The following RUSC2 variants were observed in gnomAD, a reference collection of about 807,000 sequenced individuals.
The protein encoded by RUSC2 is AP-4 complex accessory subunit RUSC2.
Under a neutral mutation model 122.2 loss-of-function variants are expected in RUSC2, and 34 were observed. The ratio of observed to expected loss-of-function variants is 0.28; its 90% CI spans 0.21 to 0.37. RUSC2 has a LOEUF of 0.37. Among genes scored for constraint, RUSC2 ranks in the 10% least tolerant of loss-of-function variants. The probability of loss-of-function intolerance (pLI) is 1.00; values close to 1 mark genes in which losing one functional copy is unlikely to be tolerated. For missense variants in RUSC2, 1,747 were observed against 1,952.4 expected (o/e 0.89, Z 1.98); for synonymous variants, 784 against 790.0 (o/e 0.99, Z 0.13).
Position 35,511,008 on chromosome 9 carries a change from A to G in RUSC2, c.-93+20836A>G, listed in dbSNP as rs1030567025. On this transcript the variant is annotated intron_variant, in intron 1 of 11. Coordinates refer to ENST00000361226, the MANE Select transcript of RUSC2 (RefSeq NM_014806.5). ...ACATCTACCCAGAGATAGCTCCAGT[A>G]TAGGTTGGCCAAGCAGGAAATTCCA... Among the ~76,000 whole-genome samples the G allele has an allele frequency of 3.9e-5, 6 of 152,326 alleles. No homozygotes were observed. The South Asian group carries it at 1.0e-3, about 26-fold the overall frequency.
intron 2 of RUSC2, among the ~76,000 whole-genome samples, chr9:35,553,802 T>C (rs535671879): frequency 3.3e-5 from 5 of 152,242 alleles, no homozygotes; most frequent in African/African-American, 7.2e-5. Context: ...CTGGGAGTGA[T>C]TCAGAAGCAC....
chr9:35,512,732 C>A (rs1416387943), intron 1 of RUSC2, among the ~76,000 whole-genome samples: 1 of 152,002 alleles, frequency 6.6e-6, no homozygotes, highest in Non-Finnish European at 1.5e-5. Flanking sequence ...GTTTTTCCTT[C>A]CTCCTCCCGT....
intron 1 of RUSC2, among the ~76,000 whole-genome samples, chr9:35,534,243 G>A (rs1431563669): frequency 6.6e-6 from 1 of 151,994 alleles, no homozygotes; most frequent in Non-Finnish European, 1.5e-5. Context: ...AGTACTTGTT[G>A]ACCATTTGTG....
Position 35,560,556 on chromosome 9 carries a change from G to A in RUSC2, c.3916G>A (p.Ala1306Thr). Reference protein sequence around the residue: ...SNSSSEKKKGAGGGGPPQAPP... With the variant: ...SNSSSEKKKGTGGGGPPQAPP... ...CAGCAGCAGCGAGAAAAAGAAAGGG[G>A]CAGGAGGTGGGGGACCTCCCCAGGC... Residue 1306 changes from alanine (A) to threonine (T), a missense_variant, in exon 10 of 12, where the codon GCA becomes ACA. Transcript: ENST00000361226. 1 of 1,614,154 alleles carries A rather than the reference G, an allele frequency of 6.2e-7. No individual in the cohort carries two copies. Among genetic ancestry groups the A allele is most frequent in the Non-Finnish European group, 8.5e-7 (1 of 1,180,010 alleles).
At chr9:35,524,105 CTT>C (rs2132521095) in intron 1 of RUSC2, among the ~76,000 whole-genome samples, 2 of 152,010 alleles carry the variant, frequency 1.3e-5, no homozygotes, top group Non-Finnish European at 2.9e-5. Context: ...GGGTGGATCA[CTT>C]GAGGCCAGGA....
At chr9:35,551,779 G>T (rs1452433134) in intron 2 of RUSC2, among the ~76,000 whole-genome samples, 2 of 152,186 alleles carry the variant, frequency 1.3e-5, no homozygotes, top group Non-Finnish European at 2.9e-5. Flanking sequence ...GAGAAGGTCG[G>T]CTGGGCATGG....
chr9:35,511,933 C>A (rs1172240435), intron 1 of RUSC2, among the ~76,000 whole-genome samples: 2 of 152,128 alleles, frequency 1.3e-5, no homozygotes, highest in African/African-American at 4.8e-5. Flanking sequence ...GTAATCTTAG[C>A]ACTTTGGGAG....
intron 1 of RUSC2, among the ~76,000 whole-genome samples, chr9:35,491,990 C>T (rs939665276): frequency 2.0e-5 from 3 of 152,064 alleles, no homozygotes; most frequent in African/African-American, 7.2e-5. Context: ...AGCCTTGGAT[C>T]ATAGAAACCC....
intron 1 of RUSC2, among the ~76,000 whole-genome samples, chr9:35,529,105 C>T (rs1375085915): frequency 6.6e-6 from 1 of 152,100 alleles, no homozygotes; most frequent in Non-Finnish European, 1.5e-5. Flanking sequence ...TTAGAATATT[C>T]TCAATTTTTC....
chr9:35,554,934 T>C, intron 2 of RUSC2, 126 bp from the exon 3 acceptor site: 5 of 1,060,024 alleles, frequency 4.7e-6, no homozygotes, highest in South Asian at 1.3e-5. Flanking sequence ...CACGAACTTC[T>C]ACCCCATTCA....
chr9:35,520,547 C>T (rs1821194606), intron 1 of RUSC2, among the ~76,000 whole-genome samples: 1 of 152,144 alleles, frequency 6.6e-6, no homozygotes, highest in Non-Finnish European at 1.5e-5. Context: ...TAGCAGCTTC[C>T]TAGTCTGTGT....
At chr9:35,504,864 A>G (rs1338050790) in intron 1 of RUSC2, among the ~76,000 whole-genome samples, 1 of 152,220 alleles carries the variant, frequency 6.6e-6, no homozygotes, top group Non-Finnish European at 1.5e-5. Flanking sequence ...TAGAAGCAAA[A>G]ATAGAAGGAA....
At chr9:35,561,135 G>A (rs1458781666) in intron 11 of RUSC2, 38 bp downstream of exon 11, 1 of 1,613,368 alleles carries the variant, frequency 6.2e-7, no homozygotes, top group Non-Finnish European at 8.5e-7. Context: ...GGGGGGCGGG[G>A]GGCTTTTGAG....
rs371634731 is a variant in RUSC2 at position 35,555,649 on chromosome 9, G to A, written c.2604G>A (p.Glu868=). The A allele has an allele frequency of 6.8e-6, 11 of 1,608,604 alleles. No individual in the cohort carries two copies. The highest frequency in any genetic ancestry group is 6.7e-5 in the African/African-American group (5 of 74,852). The change falls in exon 3 of 12, where the codon GAG becomes GAA. Residue 868 remains glutamate (E), a synonymous_variant. Transcript: ENST00000361226. This position sits in a 1 kb window ranked among gnomAD's most constrained non-coding sequence, Gnocchi z 4.6. The part of the protein sequence containing the change: ...GSWRSGLSRA[E]SLARGGGEGS... ...GGCGATCTGGCCTCAGCCGAGCAGA[G>A]AGCCTGGCCCGGGGAGGTGGTGAGG...
intron 2 of RUSC2, chr9:35,549,266 A>AAC (rs376159518): frequency 7.3e-5 from 69 of 946,554 alleles, no homozygotes; most frequent in Non-Finnish European, 8.0e-5. Flanking sequence ...TAACAACAAC[A>AAC]ACACACACAC....
At chr9:35,539,386 G>A (rs1165728660) in intron 1 of RUSC2, among the ~76,000 whole-genome samples, 1 of 151,876 alleles carries the variant, frequency 6.6e-6, no homozygotes, top group Non-Finnish European at 1.5e-5. Context: ...TCCTTTTTGG[G>A]CATTTCTAAT....
At chr9:35,496,657 C>T (rs1336796934) in intron 1 of RUSC2, among the ~76,000 whole-genome samples, 1 of 152,144 alleles carries the variant, frequency 6.6e-6, no homozygotes, top group Non-Finnish European at 1.5e-5. Flanking sequence ...ACTGATGATT[C>T]CTCTGAAGAA....
At chr9:35,515,754 T>G (rs1476534347) in intron 1 of RUSC2, among the ~76,000 whole-genome samples, 1 of 151,730 alleles carries the variant, frequency 6.6e-6, no homozygotes, top group Non-Finnish European at 1.5e-5. Context: ...ATTCCGACAC[T>G]TTGGGAGGCT....
chr9:35,560,552 A>G lies in RUSC2; in HGVS notation c.3912A>G (p.Lys1304=), dbSNP rs765209414. The G allele has an allele frequency of 6.2e-7, 1 of 1,614,092 alleles. No individual in the cohort carries two copies. The highest frequency in any genetic ancestry group is 8.5e-7 in the Non-Finnish European group (1 of 1,180,006). Residue 1304 remains lysine (K), a synonymous_variant, in exon 10 of 12, where the codon AAA becomes AAG. Coordinates refer to ENST00000361226, the MANE Select transcript of RUSC2 (RefSeq NM_014806.5). ...GCAACAGCAGCAGCGAGAAAAAGAA[A>G]GGGGCAGGAGGTGGGGGACCTCCCC... ...GSSNSSSEKK[K]GAGGGGPPQA...
Sources: gnomAD v4.1 joint callset for allele counts (sites outside exome capture counted in the v4.1 genomes callset) on GRCh38, gnomAD v4.1.1 for gene constraint, Gnocchi (gnomAD v3.1) non-coding constraint, MANE v1.5 for transcripts, NCBI Gene and HGNC (gene_info 2026-07-23, HGNC 2026-07-21) for gene names.